The following NCOA7 variants were observed in gnomAD, a reference collection of about 807,000 sequenced individuals.
The protein encoded by NCOA7 is nuclear receptor coactivator 7, also known as 140 kDa estrogen receptor-associated protein.
A neutral mutation model predicts 104.3 loss-of-function variants in NCOA7; 45 were observed. The ratio of observed to expected loss-of-function variants is 0.43; its 90% CI spans 0.34 to 0.55. The LOEUF (loss-of-function observed/expected upper bound fraction) is 0.55, where lower values mean the gene tolerates loss of function less well. Ranked by LOEUF, NCOA7 falls within the 20% of genes least tolerant of loss-of-function variation. The pLI, the probability that NCOA7 is intolerant of heterozygous loss-of-function variation, is 0.02. For synonymous variants in NCOA7, 398 were observed against 402.3 expected (o/e 0.99, Z 0.13); for missense variants, 1,041 against 1,119.7 (o/e 0.93, Z 1.00).
Position 125,876,601 on chromosome 6 carries a change from TAAAAAA to T in NCOA7, c.351+1645_352-1645del, listed in dbSNP as rs202233696. 4.6e-3 allele frequency among the ~76,000 whole-genome samples: 602 copies of T among 129,656 alleles called. 3 individuals carry two copies. The highest frequency in any genetic ancestry group is 0.017 in the African/African-American group (577 of 34,622). 85.1% of individuals were successfully genotyped at this position (129,656 alleles called of 152,430 possible). ...TATATACTGAATAATGTAGTGACAGTAAAAAAAAAAAAAAAAATCAAACTCCGAATT... is the reference window on the plus strand; with the variant it reads ...TATATACTGAATAATGTAGTGACAGTAAAAAAAAAAATCAAACTCCGAATT... On this transcript the variant is annotated intron_variant, in intron 4 of 15. Transcript: ENST00000392477.
At chr6:125,912,545 G>A (rs7769687) in intron 10 of NCOA7, among the ~76,000 whole-genome samples, 97,148 of 152,048 alleles carry the variant, frequency 0.64, 31,207 homozygotes, top group East Asian at 0.76. Context: ...GAGCTCTGGG[G>A]GCCCACGGTA....
At chr6:125,806,319 TGAC>T (rs1776447707) in intron 1 of NCOA7, among the ~76,000 whole-genome samples, 1 of 152,224 alleles carries the variant, frequency 6.6e-6, no homozygotes, top group East Asian at 1.9e-4. Flanking sequence ...CCCGCCTGGA[TGAC>T]AGAGTGAGAC....
rs1028669371 is a variant in NCOA7 at position 125,889,322 on chromosome 6, C to A, written c.1268C>A (p.Ser423Tyr). The A allele has an allele frequency of 6.2e-7, 1 of 1,614,152 alleles. No individual in the cohort carries two copies. Among genetic ancestry groups the A allele is most frequent in the Non-Finnish European group, 8.5e-7 (1 of 1,179,996 alleles). Residue 423 changes from serine (S) to tyrosine (Y), a missense_variant, in exon 9 of 16, where the codon TCT (serine) becomes TAT (tyrosine). Physicochemically the swap from Ser to Tyr is moderately radical, Grantham distance 144 (BLOSUM62 -2). Coordinates refer to ENST00000392477, the MANE Select transcript of NCOA7 (RefSeq NM_181782.5). ...DDDFVDLEEL[S>Y]SQTGGGMHKK... ...GATTTTGTTGACTTGGAAGAACTTT[C>A]TTCTCAAACTGGTGGTGGAATGCAC...
chr6:125,902,143 T>TA (rs1241384796), intron 10 of NCOA7, among the ~76,000 whole-genome samples: 1 of 152,136 alleles, frequency 6.6e-6, no homozygotes, highest in Non-Finnish European at 1.5e-5. Flanking sequence ...AGTTCTCATT[T>TA]AGGGCCACAG....
At chr6:125,855,785 G>C (rs892422696) in intron 3 of NCOA7, among the ~76,000 whole-genome samples, 2 of 151,908 alleles carry the variant, frequency 1.3e-5, no homozygotes, top group African/African-American at 4.8e-5. Context: ...CCAGGTTCAA[G>C]CAATTCTCCT....
At chr6:125,874,616 T>G (rs1176811364) in intron 3 of NCOA7, among the ~76,000 whole-genome samples, 1 of 152,224 alleles carries the variant, frequency 6.6e-6, no homozygotes, top group African/African-American at 2.4e-5. Context: ...TACTCTAACT[T>G]CATAATCATT....
chr6:125,804,404 GCAT>G (rs750268341), intron 1 of NCOA7, among the ~76,000 whole-genome samples: 9 of 152,122 alleles, frequency 5.9e-5, no homozygotes, highest in African/African-American at 1.2e-4. Context: ...GGTGAGGCAG[GCAT>G]CATATTTTTC....
intron 2 of NCOA7, among the ~76,000 whole-genome samples, chr6:125,852,810 T>A (rs972614281): frequency 2.0e-5 from 3 of 152,220 alleles, no homozygotes; most frequent in African/African-American, 7.2e-5. Flanking sequence ...TTTTGGTAAC[T>A]ATAGCTTTGT....
intron 15 of NCOA7, 95 bp from the exon 16 acceptor site, chr6:125,928,541 G>C (rs1788239876): frequency 1.2e-5 from 17 of 1,397,304 alleles, no homozygotes; most frequent in Non-Finnish European, 1.6e-5. Context: ...TTGCCTGTCA[G>C]TAGTATAAAG....
intron 2 of NCOA7, among the ~76,000 whole-genome samples, chr6:125,850,555 G>GC (rs1175816314): frequency 6.6e-6 from 1 of 152,124 alleles, no homozygotes; most frequent in East Asian, 1.9e-4. Context: ...AAACAGTGCT[G>GC]CCGTTCATCA....
At chr6:125,791,843 G>T (rs1774892299) in intron 1 of NCOA7, among the ~76,000 whole-genome samples, 1 of 152,138 alleles carries the variant, frequency 6.6e-6, no homozygotes, top group Non-Finnish European at 1.5e-5. Context: ...TCAGAAACTG[G>T]TTATGTATTA....
At chr6:125,787,029 C>A (rs963908989), upstream of NCOA7, among the ~76,000 whole-genome samples, 1 of 151,582 alleles carries the variant, frequency 6.6e-6, no homozygotes, top group Non-Finnish European at 1.5e-5. Context: ...TGACTGTAGT[C>A]CCAGCTACTT....
chr6:125,901,898 A>G (rs1269780194), intron 10 of NCOA7, among the ~76,000 whole-genome samples: 2 of 152,088 alleles, frequency 1.3e-5, no homozygotes, highest in Non-Finnish European at 2.9e-5. Flanking sequence ...CTTCCCCTGG[A>G]GTTTGGCCAG....
intron 10 of NCOA7, among the ~76,000 whole-genome samples, chr6:125,897,991 G>A (rs1367979086): frequency 6.6e-6 from 1 of 152,162 alleles, no homozygotes; most frequent in African/African-American, 2.4e-5. Context: ...TTTTTGACAT[G>A]TTGAGTAGTA....
In NCOA7 at chr6:125,808,908, C is replaced by G. The variant is rs950580975; in HGVS notation, c.-64-6383C>G. Among the ~76,000 whole-genome samples the G allele has an allele frequency of 3.6e-4, 55 of 152,294 alleles. 1 individual carries two copies. The highest frequency in any genetic ancestry group is 1.3e-3 in the African/African-American group (53 of 41,564). On this transcript the variant is annotated intron_variant, in intron 1 of 15. Transcript: ENST00000392477. ...TTAGGTAAAAGGGCAAGGAAACTCACATTTGTTTAATTTTTCTCAGGTCAA... is the reference window on the plus strand; with the variant it reads ...TTAGGTAAAAGGGCAAGGAAACTCAGATTTGTTTAATTTTTCTCAGGTCAA...
intron 10 of NCOA7, among the ~76,000 whole-genome samples, chr6:125,912,583 G>T (rs982931896): frequency 1.3e-5 from 2 of 152,182 alleles, no homozygotes; most frequent in African/African-American, 4.8e-5. Context: ...AAAGAAACAG[G>T]TGGTGAGAAT....
At chr6:125,865,834 T>C (rs1253209976) in intron 3 of NCOA7, among the ~76,000 whole-genome samples, 5 of 134,138 alleles carry the variant, frequency 3.7e-5, no homozygotes, top group African/African-American at 1.6e-4. Flanking sequence ...TGGCTAATTT[T>C]TATATTTTCT....
At chr6:125,802,790 A>G (rs1349230275) in intron 1 of NCOA7, among the ~76,000 whole-genome samples, 1 of 152,246 alleles carries the variant, frequency 6.6e-6, no homozygotes, top group Admixed American at 6.5e-5. Context: ...AAAAGAACGT[A>G]TACCATAGAC....
At chr6:125,847,460 G>A (rs1479942754) in intron 2 of NCOA7, among the ~76,000 whole-genome samples, 3 of 152,130 alleles carry the variant, frequency 2.0e-5, no homozygotes, top group African/African-American at 7.2e-5. Flanking sequence ...AGGTATTTAC[G>A]TCTTTTTCAA....
Sources: allele counts gnomAD v4.1 joint callset (sites outside exome capture counted in the v4.1 genomes callset), GRCh38; gene constraint gnomAD v4.1.1; transcripts MANE v1.5; gene names NCBI Gene and HGNC (gene_info 2026-07-23, HGNC 2026-07-21).